The following HLTF variants were observed in gnomAD, a reference collection of about 807,000 sequenced individuals.
The protein encoded by HLTF is helicase like transcription factor.
In HLTF, 127 loss-of-function variants were observed where a neutral mutation model predicts 129.4. The observed-to-expected ratio is 0.98, with a 90% confidence interval of 0.85 to 1.14. The LOEUF is 1.14. Ranked by LOEUF, HLTF falls within the 50% of genes most tolerant of loss-of-function variation. HLTF has a pLI of 0.00. For missense variants in HLTF, 1,139 were observed against 1,187.1 expected, an observed-to-expected ratio of 0.96 and a Z score of 0.60; for synonymous variants, 332 against 388.8, an observed-to-expected ratio of 0.85 and a Z score of 1.72.
chr3:149,035,680 A>G (rs1471182069), intron 23 of HLTF, among the ~76,000 whole-genome samples: 1 of 123,904 alleles, frequency 8.1e-6, no homozygotes, highest in Non-Finnish European at 1.7e-5. Context: ...AAAAAAAAAA[A>G]AAAGGGGGTT....
intron 13 of HLTF, among the ~76,000 whole-genome samples, chr3:149,058,712 G>T (rs1717678132): frequency 6.6e-6 from 1 of 152,118 alleles, no homozygotes; most frequent in Admixed American, 6.5e-5. Flanking sequence ...GGACAATCAG[G>T]ATTATGGCTT....
chr3:149,063,589 T>C (rs1179792588), intron 9 of HLTF, 65 bp from the exon 10 acceptor site: 1 of 900,284 alleles, frequency 1.1e-6, no homozygotes, highest in Non-Finnish European at 1.8e-6. Flanking sequence ...GTATTATCCC[T>C]CTTAAAACCT....
chr3:149,074,953 T>C (rs1719218634), intron 3 of HLTF, among the ~76,000 whole-genome samples: 2 of 151,830 alleles, frequency 1.3e-5, no homozygotes, highest in Non-Finnish European at 2.9e-5. Context: ...TTGAAAGAGT[T>C]TAGAAAAAGA....
intron 9 of HLTF, 110 bp downstream of exon 9, chr3:149,064,680 CA>C: frequency 1.4e-6 from 1 of 733,670 alleles, no homozygotes; most frequent in Non-Finnish European, 2.4e-6. Context: ...AGTACAAAGC[CA>C]AAACTAGAAT....
At chr3:149,061,792 T>C (rs1312308142) in intron 10 of HLTF, among the ~76,000 whole-genome samples, 1 of 147,922 alleles carries the variant, frequency 6.8e-6, no homozygotes, top group Non-Finnish European at 1.5e-5. Flanking sequence ...GCCGAGATCA[T>C]GCCATTGCAC....
chr3:149,078,898 T>C (rs918149753), intron 2 of HLTF, among the ~76,000 whole-genome samples: 2 of 151,938 alleles, frequency 1.3e-5, no homozygotes, highest in Non-Finnish European at 2.9e-5. Context: ...AAGCAAATCA[T>C]TTCTTTCGAC....
intron 10 of HLTF, among the ~76,000 whole-genome samples, chr3:149,062,571 T>C (rs948006532): frequency 6.6e-6 from 1 of 152,200 alleles, no homozygotes; most frequent in African/African-American, 2.4e-5. Flanking sequence ...CTTCAGAAGA[T>C]AAATGAAGTT....
intron 16 of HLTF, 41 bp from the exon 17 acceptor site, chr3:149,048,204 T>A (rs761472812): frequency 3.9e-6 from 6 of 1,546,064 alleles, no homozygotes. Flanking sequence ...TTAACCAGAG[T>A]ATCCAGTAAG....
intron 14 of HLTF, among the ~76,000 whole-genome samples, chr3:149,052,811 C>T (rs1717104890): frequency 6.6e-6 from 1 of 152,024 alleles, no homozygotes; most frequent in Non-Finnish European, 1.5e-5. Context: ...CAATGGGTGG[C>T]CTTGAAATGG....
intron 5 of HLTF, among the ~76,000 whole-genome samples, chr3:149,073,021 C>T (rs548318887): frequency 2.4e-4 from 36 of 152,132 alleles, no homozygotes; most frequent in Admixed American, 1.3e-3. Context: ...CAAATGTTCA[C>T]GTATGGATTT....
intron 14 of HLTF, among the ~76,000 whole-genome samples, chr3:149,051,403 A>G (rs1716983997): frequency 6.6e-6 from 1 of 151,680 alleles, no homozygotes. Flanking sequence ...TATGAATTTT[A>G]AAGTTAACAA....
intron 13 of HLTF, among the ~76,000 whole-genome samples, chr3:149,057,461 T>C (rs931629810): frequency 2.0e-5 from 3 of 152,136 alleles, no homozygotes; most frequent in Non-Finnish European, 2.9e-5. Context: ...AAACAGTATC[T>C]GCTGATTGCA....
chr3:149,078,701 C>T (rs189058651), intron 2 of HLTF, among the ~76,000 whole-genome samples: 124 of 151,714 alleles, frequency 8.2e-4, no homozygotes, highest in African/African-American at 2.8e-3. Context: ...ACTAAAAATA[C>T]AAAAAATTAG....
chr3:149,074,592 A>C (rs1719179700), intron 3 of HLTF, among the ~76,000 whole-genome samples: 1 of 152,208 alleles, frequency 6.6e-6, no homozygotes, highest in African/African-American at 2.4e-5. Flanking sequence ...CAGTTTTAAA[A>C]ATGCAAGGAT....
Position 149,060,632 on chromosome 3 carries a change from T to A in HLTF, c.1285+11A>T. 1 of 1,592,496 alleles carries A rather than the reference T, an allele frequency of 6.3e-7. No individual in the cohort carries two copies. The highest frequency in any genetic ancestry group is 2.2e-5 in the East Asian group (1 of 44,700). ...TGAAGTCTAGATTATGGGTATATAG[T>A]ATACACATACCTTTCGCCCTGCCTT... On this transcript the variant is annotated intron_variant, in intron 12 of 24. Transcript: ENST00000310053.
At chr3:149,047,904 G>A (rs1306510327) in intron 17 of HLTF, 124 bp downstream of exon 17, 1 of 691,370 alleles carries the variant, frequency 1.4e-6, no homozygotes, top group Non-Finnish European at 2.3e-6. Flanking sequence ...AAGGTACTGA[G>A]CCATAAACAC....
chr3:149,084,598 G>A (rs899065580), intron 2 of HLTF, 84 bp downstream of exon 2: 38 of 946,506 alleles, frequency 4.0e-5, no homozygotes, highest in Non-Finnish European at 5.3e-5. Context: ...AAGATTAACC[G>A]CACACATCAC....
At chr3:149,048,775 A>C in intron 16 of HLTF, 88 bp downstream of exon 16, 1 of 987,604 alleles carries the variant, frequency 1.0e-6, no homozygotes, top group Non-Finnish European at 1.5e-6. Context: ...ATTTACACCC[A>C]CTTTAAGTTT....
At chr3:149,081,985 G>C (rs1261295210) in intron 2 of HLTF, among the ~76,000 whole-genome samples, 1 of 152,072 alleles carries the variant, frequency 6.6e-6, no homozygotes, top group African/African-American at 2.4e-5. Context: ...CAATTCTATG[G>C]GAATAAGTTT....
Sources: allele counts gnomAD v4.1 joint callset (sites outside exome capture counted in the v4.1 genomes callset), GRCh38; gene constraint gnomAD v4.1.1; transcripts MANE v1.5; gene names NCBI Gene and HGNC (gene_info 2026-07-23, HGNC 2026-07-21).